MARCHF5: variants seen among roughly 807,000 people sequenced by gnomAD.
The protein encoded by MARCHF5 is E3 ubiquitin-protein ligase MARCHF5.
A neutral mutation model predicts 36.5 loss-of-function variants in MARCHF5; 5 were observed. The ratio of observed to expected loss-of-function variants is 0.14; its 90% CI spans 0.07 to 0.29. The LOEUF is 0.29. Among genes scored for constraint, MARCHF5 ranks in the 10% least tolerant of loss-of-function variants. The pLI, the probability that MARCHF5 is intolerant of heterozygous loss-of-function variation, is 1.00. For synonymous variants in MARCHF5, 103 were observed against 109.9 expected (o/e 0.94, Z 0.39); for missense variants, 179 against 336.3 (o/e 0.53, Z 3.66).
At chr10:92,299,092 G>C (rs1263213861) in intron 1 of MARCHF5, among the ~76,000 whole-genome samples, 1 of 152,016 alleles carries the variant, frequency 6.6e-6, no homozygotes, top group East Asian at 1.9e-4. Context: ...AAAGTGTTAG[G>C]ACTACAGGTA....
intron 1 of MARCHF5, among the ~76,000 whole-genome samples, chr10:92,308,906 C>T (rs185722490): frequency 6.3e-4 from 96 of 152,166 alleles, no homozygotes; most frequent in Middle Eastern, 3.4e-3. Context: ...AGGGTTTCAC[C>T]GTGTTAGCCA....
chr10:92,346,448 A>G (rs1474972139), intron 3 of MARCHF5, among the ~76,000 whole-genome samples: 10 of 151,382 alleles, frequency 6.6e-5, no homozygotes, highest in Non-Finnish European at 1.5e-4. Context: ...TAGTTGTAAC[A>G]AGTGAAATAC....
chr10:92,308,148 A>C (rs1843098666), intron 1 of MARCHF5, among the ~76,000 whole-genome samples: 1 of 151,950 alleles, frequency 6.6e-6, no homozygotes, highest in African/African-American at 2.4e-5. Context: ...TCACCATATT[A>C]GCCAGGATGG....
intron 1 of MARCHF5, among the ~76,000 whole-genome samples, chr10:92,293,394 G>A (rs1445718727): frequency 2.0e-5 from 3 of 152,038 alleles, no homozygotes; most frequent in African/African-American, 4.8e-5. Context: ...ATGAGCCATC[G>A]TGCCCAGCCT....
At chr10:92,315,530 T>C (rs1159550243) in intron 2 of MARCHF5, among the ~76,000 whole-genome samples, 2 of 152,208 alleles carry the variant, frequency 1.3e-5, no homozygotes, top group Non-Finnish European at 2.9e-5. Flanking sequence ...TATGAACACT[T>C]CAGTGGCTTC....
intron 2 of MARCHF5, among the ~76,000 whole-genome samples, chr10:92,336,427 A>G (rs1225415573): frequency 6.6e-6 from 1 of 152,210 alleles, no homozygotes; most frequent in African/African-American, 2.4e-5. Flanking sequence ...CCCATGTTCC[A>G]ATAAAACTTA....
At chr10:92,303,801 G>A (rs946406682) in intron 1 of MARCHF5, among the ~76,000 whole-genome samples, 1 of 152,142 alleles carries the variant, frequency 6.6e-6, no homozygotes, top group South Asian at 2.1e-4. Flanking sequence ...ACCCATACCA[G>A]TAAGACTATA....
chr10:92,323,681 G>C (rs1434255277), intron 2 of MARCHF5, among the ~76,000 whole-genome samples: 1 of 151,936 alleles, frequency 6.6e-6, no homozygotes, highest in East Asian at 1.9e-4. Context: ...TTTTCAGATT[G>C]TCTTTCATTT....
intron 2 of MARCHF5, among the ~76,000 whole-genome samples, chr10:92,329,216 G>A (rs1843408131): frequency 6.6e-6 from 1 of 152,114 alleles, no homozygotes. Flanking sequence ...ATCATTTTGT[G>A]TATTCACCTG....
rs376178460 is a variant in MARCHF5, at chr10:92,307,175, CTGTG to C, written c.36-3925_36-3922del. 2.7e-3 allele frequency among the ~76,000 whole-genome samples: 330 copies of C among 121,886 alleles called. 2 individuals carry two copies. The highest frequency in any genetic ancestry group is 8.6e-3 in the African/African-American group (285 of 33,260). The allele number at this position is 121,886 out of a possible 152,430, so 80.0% of individuals were successfully genotyped here. A position where few individuals can be genotyped will look rare whatever the true frequency, so the allele number is the denominator to read the frequency against. On this transcript the variant is annotated intron_variant, in intron 1 of 5. Coordinates refer to ENST00000358935, the MANE Select transcript of MARCHF5 (RefSeq NM_017824.5). ...CTCATAAAATAAGGAAAGAAAACAT[CTGTG>C]TGTGTGTGTGTGTGTGTGTGTGTGT... is the stretch of plus-strand genomic sequence containing the variant.
intron 2 of MARCHF5, among the ~76,000 whole-genome samples, chr10:92,319,655 T>A (rs1288439383): frequency 1.3e-5 from 1 of 78,266 alleles, no homozygotes; most frequent in East Asian, 2.8e-4. Flanking sequence ...TGTTTTTTTG[T>A]TTTTTGTTTT....
intron 1 of MARCHF5, among the ~76,000 whole-genome samples, chr10:92,304,768 T>C (rs950718719): frequency 1.3e-5 from 2 of 152,136 alleles, no homozygotes; most frequent in Non-Finnish European, 2.9e-5. Context: ...ACGTGATGGT[T>C]TTTCTCCCCT....
intron 1 of MARCHF5, among the ~76,000 whole-genome samples, chr10:92,310,690 G>A (rs1261724996): frequency 6.6e-6 from 1 of 152,066 alleles, no homozygotes; most frequent in African/African-American, 2.4e-5. Context: ...GAGACTGTAT[G>A]TGAAATCACT....
intron 3 of MARCHF5, among the ~76,000 whole-genome samples, chr10:92,341,780 CTTTTTTTTTTT>C (rs71025395): frequency 1.3e-5 from 1 of 77,392 alleles, no homozygotes; most frequent in African/African-American, 4.7e-5. Context: ...AGTTTACATC[CTTTTTTTTTTT>C]TTTTTTTTTT....
Position 92,291,343 on chromosome 10 carries a change from C to T in MARCHF5, c.-152C>T, listed in dbSNP as rs1842857168. On this transcript the variant is annotated 5_prime_UTR_variant, in exon 1 of 6. An upstream open reading frame in the 5' UTR gains an earlier in-frame stop. Coordinates refer to ENST00000358935, the MANE Select transcript of MARCHF5 (RefSeq NM_017824.5). ...CCCGCAGGCCCTGCACCGCCGCCGC[C>T]AGGCTAGCGGAGCTGCCCCGGGAAG... 2 of 707,666 alleles carry T rather than the reference C, an allele frequency of 2.8e-6. No individual in the cohort carries two copies. The highest frequency in any genetic ancestry group is 3.7e-5 in the African/African-American group (2 of 53,766). 43.8% of individuals were successfully genotyped at this position (707,666 alleles called of 1,614,324 possible).
intron 1 of MARCHF5, among the ~76,000 whole-genome samples, chr10:92,308,839 G>A (rs920168366): frequency 6.6e-6 from 1 of 151,824 alleles, no homozygotes; most frequent in African/African-American, 2.4e-5. Context: ...TGAGTAGCTG[G>A]GACTGCAGAC....
At chr10:92,313,331 G>A (rs1294149563) in intron 2 of MARCHF5, among the ~76,000 whole-genome samples, 3 of 151,930 alleles carry the variant, frequency 2.0e-5, no homozygotes, top group Non-Finnish European at 2.9e-5. Context: ...CGGGCCGGGC[G>A]CGGTGGCTCA....
chr10:92,334,114 C>T (rs185460728), intron 2 of MARCHF5, among the ~76,000 whole-genome samples: 1 of 152,248 alleles, frequency 6.6e-6, no homozygotes, highest in Non-Finnish European at 1.5e-5. Context: ...CGCTTGAACC[C>T]GGGAGGCAGA....
chr10:92,341,454 A>T (rs983980314), intron 3 of MARCHF5, among the ~76,000 whole-genome samples: 8 of 151,954 alleles, frequency 5.3e-5, no homozygotes, highest in Non-Finnish European at 7.4e-5. Flanking sequence ...AATAAAAATT[A>T]AAAAAAAGGA....
Sources: gnomAD v4.1 joint callset for allele counts (sites outside exome capture counted in the v4.1 genomes callset) on GRCh38, gnomAD v4.1.1 for gene constraint, MANE v1.5 for transcripts, NCBI Gene and HGNC (gene_info 2026-07-23, HGNC 2026-07-21) for gene names.